PABPC4: variants seen among roughly 807,000 people sequenced by gnomAD.
PABPC4 encodes the protein polyadenylate-binding protein 4.
In PABPC4, 15 loss-of-function variants were observed where a neutral mutation model predicts 74.5. The ratio of observed to expected loss-of-function variants is 0.20; its 90% CI spans 0.13 to 0.31. PABPC4 has a LOEUF of 0.31. PABPC4 is among the 10% of genes least tolerant of loss of function. PABPC4 has a pLI of 1.00. For missense variants in PABPC4, 610 were observed against 853.5 expected (o/e 0.71, Z 3.55); for synonymous variants, 345 against 303.0 (o/e 1.14, Z -1.44).
At chr1:39,569,749 G>A in intron 4 of PABPC4, 60 bp from the exon 5 acceptor site, 1 of 1,583,306 alleles carries the variant, frequency 6.3e-7, no homozygotes, top group African/African-American at 1.3e-5. Context: ...AGGAACAGAA[G>A]GCTTCCCTCT....
intron 1 of PABPC4, among the ~76,000 whole-genome samples, chr1:39,573,645 C>T (rs1645974062): frequency 6.6e-6 from 1 of 152,116 alleles, no homozygotes; most frequent in East Asian, 1.9e-4. Context: ...ATGGTGAAAA[C>T]CCCATCTCTA....
chr1:39,564,799 A>G lies in PABPC4; in HGVS notation c.1246-26T>C, dbSNP rs1048305112. On this transcript the variant is annotated intron_variant, in intron 8 of 15. Transcript: ENST00000372858. The stretch of plus-strand genomic sequence containing the variant: ...CTGTAAGACAGAAGAATACCCAAAC[A>G]CCCCCTTAAGGACTGAACCCATCCT... 1.9e-6 allele frequency: 3 copies of G among 1,566,876 alleles called. No individual in the cohort carries two copies. In the East Asian group the frequency reaches 6.7e-5, roughly 35 times the overall value.
Position 39,567,748 on chromosome 1 carries a change from T to C in PABPC4, c.972+3A>G, listed in dbSNP as rs200491347. 8.4e-6 allele frequency: 12 copies of C among 1,421,612 alleles called. No individual in the cohort carries two copies. Among genetic ancestry groups the C allele is most frequent in the Non-Finnish European group, 4.0e-6 (4 of 1,004,564 alleles). 88.1% of individuals were successfully genotyped at this position (1,421,612 alleles called of 1,614,324 possible). A position where few individuals can be genotyped will look rare whatever the true frequency, so the allele number is the denominator to read the frequency against. ...TTTCAATCCCCAGATCGCAGTATAA[T>C]ACCTTAGCACTGGTAATTGATCCAA... On this transcript the variant is annotated splice_donor_region_variant and intron_variant, in intron 7 of 15. Transcript: ENST00000372858.
chr1:39,568,636 C>A (rs988149364), intron 6 of PABPC4, 166 bp downstream of exon 6: 13 of 550,772 alleles, frequency 2.4e-5, no homozygotes, highest in Non-Finnish European at 3.1e-5. Flanking sequence ...CTATAATAAT[C>A]AGTCATATGT....
At chr1:39,569,546 T>C (rs1179273613) in intron 5 of PABPC4, 49 bp downstream of exon 5, 1 of 1,424,758 alleles carries the variant, frequency 7.0e-7, no homozygotes, top group African/African-American at 1.4e-5. Flanking sequence ...CTACCCATAC[T>C]CTGGGGCAAC....
intron 2 of PABPC4, chr1:39,571,800 G>A (rs1345649149): frequency 1.7e-5 from 6 of 346,306 alleles, no homozygotes. Context: ...TTGAGCCCAG[G>A]AGGTCGAAGC....
chr1:39,568,053 C>A, intron 6 of PABPC4: 2 of 432,238 alleles, frequency 4.6e-6, no homozygotes, highest in Non-Finnish European at 8.5e-6. Context: ...GTCAGGAGAT[C>A]GAGACCATCC....
At chr1:39,570,097 G>A (rs1339117549) in intron 3 of PABPC4, 95 bp from the exon 4 acceptor site, 1 of 1,245,202 alleles carries the variant, frequency 8.0e-7, no homozygotes, top group Non-Finnish European at 1.1e-6. Context: ...TGACAGGAGA[G>A]GTTAAAACAC....
intron 4 of PABPC4, 71 bp from the exon 5 acceptor site, chr1:39,569,760 G>A: frequency 6.3e-7 from 1 of 1,584,150 alleles, no homozygotes; most frequent in Non-Finnish European, 8.7e-7. Flanking sequence ...GCTTCCCTCT[G>A]GAAACTCACT....
In PABPC4 at chr1:39,563,624, T is replaced by G; in HGVS notation, c.1658A>C (p.Gln553Pro). Reference protein sequence around the residue: ...SSVRSPHPAIQPLQAPQPAVH... With the variant: ...SSVRSPHPAIPPLQAPQPAVH... ...TCTGGTGAACCTCACCTGCAGAGGC[T>G]GTATGGCAGGATGAGGGCTGCGGAC... The change falls in exon 12 of 16, where the codon CAG (glutamine) becomes CCG (proline). Residue 553 changes from glutamine to proline, a missense_variant. Transcript: ENST00000372858. 6.2e-7 allele frequency: 1 copy of G among 1,614,022 alleles called. No individual in the cohort carries two copies. The highest frequency in any genetic ancestry group is 8.5e-7 in the Non-Finnish European group (1 of 1,179,978).
chr1:39,575,982 CAGG>C lies in PABPC4; in HGVS notation c.-34_-32del. On this transcript the variant is annotated 5_prime_UTR_variant, in exon 1 of 16. Transcript: ENST00000372858. ...CGCCCCCCACCACCCCGAGCCCCGC[CAGG>C]AGGACTTCTTATCGGGCCCGCCGCA... The C allele has an allele frequency of 2.1e-6, 3 of 1,423,082 alleles. No individual in the cohort carries two copies. Among genetic ancestry groups the C allele is most frequent in the Non-Finnish European group, 2.8e-6 (3 of 1,068,458 alleles). The allele number at this position is 1,423,082 out of a possible 1,614,324, so 88.2% of individuals were successfully genotyped here. A position where few individuals can be genotyped will look rare whatever the true frequency, so the allele number is the denominator to read the frequency against.
At chr1:39,574,635 G>A (rs930453001) in intron 1 of PABPC4, among the ~76,000 whole-genome samples, 3 of 152,300 alleles carry the variant, frequency 2.0e-5, no homozygotes, top group Middle Eastern at 6.8e-3. Context: ...GCAATACCTA[G>A]TCCCTCTCAA....
chr1:39,564,289 C>T, intron 10 of PABPC4, 134 bp downstream of exon 10: 4 of 1,062,660 alleles, frequency 3.8e-6, no homozygotes, highest in Non-Finnish European at 5.4e-6. Context: ...AAGTGGCCAC[C>T]TAAGCACACA....
chr1:39,560,856 TTGGGTAC>T lies in PABPC4; in HGVS notation c.*273_*279del. 1 of 200,460 alleles carries T rather than the reference TTGGGTAC, an allele frequency of 5.0e-6. No individual in the cohort carries two copies. The highest frequency in any genetic ancestry group is 5.2e-5 in the Admixed American group (1 of 19,118). 12.4% of individuals were successfully genotyped at this position (200,460 alleles called of 1,614,324 possible). ...TTTTCTTTATTGGGAAACGTAAGACTTGGGTACATCAAATAAAACCAATTTCTGGGGG... is the reference window on the plus strand; with the variant it reads ...TTTTCTTTATTGGGAAACGTAAGACTATCAAATAAAACCAATTTCTGGGGG... On this transcript the variant is annotated 3_prime_UTR_variant, in exon 16 of 16. Transcript: ENST00000372858.
intron 7 of PABPC4, chr1:39,567,268 A>C (rs1645861563): frequency 2.5e-6 from 1 of 407,380 alleles, no homozygotes; most frequent in Non-Finnish European, 4.8e-6. Flanking sequence ...GCACACTACG[A>C]AACATAGAAA....
At chr1:39,572,341 G>C in intron 2 of PABPC4, 52 bp downstream of exon 2, 1 of 1,334,228 alleles carries the variant, frequency 7.5e-7, no homozygotes, top group Admixed American at 1.8e-5. Flanking sequence ...TATTTATCTT[G>C]TTTTCAAGAA....
Position 39,563,740 on chromosome 1 carries a change from G to A in PABPC4, c.1542C>T (p.Gly514=), listed in dbSNP as rs373025595. 6.2e-6 allele frequency: 10 copies of A among 1,614,076 alleles called. No individual in the cohort carries two copies. The highest frequency in any genetic ancestry group is 2.2e-5 in the East Asian group (1 of 44,874). The change falls in exon 12 of 16, where the codon GGC becomes GGT. Residue 514 remains glycine, a splice_region_variant and synonymous_variant. Transcript: ENST00000372858. ...QGLTDSCQSG[G]VPTAVQNLAP... ...CTAAGTTCTGCACAGCTGTGGGAAC[G>A]CCTTAGGGAAAGAACAAATACAATT...
At chr1:39,564,833 A>G in intron 8 of PABPC4, 60 bp from the exon 9 acceptor site, 1 of 1,238,920 alleles carries the variant, frequency 8.1e-7, no homozygotes, top group Non-Finnish European at 1.2e-6. Context: ...CTAGAGAAGT[A>G]TCTCATCTCA....
chr1:39,564,335 G>T, intron 10 of PABPC4, 88 bp downstream of exon 10: 1 of 1,477,548 alleles, frequency 6.8e-7, no homozygotes, highest in East Asian at 2.3e-5. Flanking sequence ...ATAAATTCGA[G>T]CCCAACAAAC....
Sources: gnomAD v4.1 joint callset for allele counts (sites outside exome capture counted in the v4.1 genomes callset) on GRCh38, gnomAD v4.1.1 for gene constraint, MANE v1.5 for transcripts, NCBI Gene and HGNC (gene_info 2026-07-23, HGNC 2026-07-21) for gene names.